The following SLAIN1 variants were observed in gnomAD, a reference collection of about 807,000 sequenced individuals.
The protein encoded by SLAIN1 is SLAIN motif-containing protein 1.
Under a neutral mutation model 55.4 loss-of-function variants are expected in SLAIN1, and 17 were observed. That is an observed-to-expected ratio of 0.31 (90% CI 0.21 to 0.46). The LOEUF is 0.46. Ranked by LOEUF, SLAIN1 falls within the 20% of genes least tolerant of loss-of-function variation. The pLI is 1.00. For synonymous variants in SLAIN1, 348 were observed against 337.4 expected, an observed-to-expected ratio of 1.03 and a Z score of -0.35; for missense variants, 682 against 785.1, an observed-to-expected ratio of 0.87 and a Z score of 1.57.
At chr13:77,732,793 T>C (rs912348055) in intron 2 of SLAIN1, among the ~76,000 whole-genome samples, 6 of 152,112 alleles carry the variant, frequency 3.9e-5, no homozygotes, top group African/African-American at 1.4e-4. Flanking sequence ...CTTAAAGCTG[T>C]TGTCTTATCT....
chr13:77,721,366 T>C (rs2091260582), intron 2 of SLAIN1, among the ~76,000 whole-genome samples: 1 of 152,132 alleles, frequency 6.6e-6, no homozygotes, highest in Non-Finnish European at 1.5e-5. Context: ...AATTACCCAG[T>C]CTCAGGTAGT....
At position 77,730,286 on chromosome 13, in the gene SLAIN1, A is replaced by G. The variant is rs545067894; in HGVS notation, c.766+10615A>G. Among the ~76,000 whole-genome samples the G allele has an allele frequency of 3.3e-5, 5 of 152,306 alleles. No homozygotes were observed. In the South Asian group the frequency reaches 8.3e-4, roughly 25 times the overall value. On this transcript the variant is annotated intron_variant, in intron 2 of 6. Transcript: ENST00000418532. ...TAACTGAACAGCTAAGCTACAGGATATTACCTGAATTGTCTTAGAAGGCAG... is the reference window on the plus strand; with the variant it reads ...TAACTGAACAGCTAAGCTACAGGATGTTACCTGAATTGTCTTAGAAGGCAG...
rs755391455 is a variant in SLAIN1, at chr13:77,760,829, T to C, written c.1416T>C (p.Ile472=). ...CATGAATATCATTTTCTCTTCTAGT[T>C]CCATCACCGGGACAGCTTCAACACA... The part of the protein sequence containing the change: ...GNGISRIQSC[I]PSPGQLQHRV... Residue 472 remains isoleucine, a splice_region_variant and synonymous_variant, in exon 6 of 7, where the codon ATT becomes ATC. Coordinates refer to ENST00000418532, the MANE Select transcript of SLAIN1 (RefSeq NM_001242868.2). 6.2e-7 allele frequency: 1 copy of C among 1,612,686 alleles called. No individual in the cohort carries two copies. The highest frequency in any genetic ancestry group is 1.1e-5 in the South Asian group (1 of 91,038).
chr13:77,730,516 C>T (rs184696175), intron 2 of SLAIN1, among the ~76,000 whole-genome samples: 36 of 152,204 alleles, frequency 2.4e-4, no homozygotes, highest in African/African-American at 7.9e-4. Flanking sequence ...GCCAAGTTCT[C>T]GTGACACTTA....
chr13:77,745,263 G>A (rs377753970), intron 3 of SLAIN1, among the ~76,000 whole-genome samples: 89 of 151,904 alleles, frequency 5.9e-4, no homozygotes, highest in Non-Finnish European at 9.0e-4. Context: ...ACACACCTGC[G>A]ATAATCTGAA....
At chr13:77,722,616 A>G (rs866280721) in intron 2 of SLAIN1, among the ~76,000 whole-genome samples, 1 of 152,084 alleles carries the variant, frequency 6.6e-6, no homozygotes, top group Non-Finnish European at 1.5e-5. Flanking sequence ...TAATTCTTTT[A>G]CACCTCACTT....
rs939562260 is a variant in SLAIN1 at position 77,761,214 on chromosome 13, C to G, written c.1697+104C>G. ...GGCTCACTTTAACCTTAGTAAGACA[C>G]TACCCTTTATGGCCTGACTTGTGCT... On this transcript the variant is annotated intron_variant, in intron 6 of 6. Transcript: ENST00000418532. 2.6e-6 allele frequency: 3 copies of G among 1,140,148 alleles called. No homozygotes were observed. In the Admixed American group the frequency reaches 6.3e-5, roughly 24 times the overall value. 70.6% of individuals were successfully genotyped at this position (1,140,148 alleles called of 1,614,324 possible). A position where few individuals can be genotyped will look rare whatever the true frequency, so the allele number is the denominator to read the frequency against.
chr13:77,741,008 T>A (rs1873400178), intron 2 of SLAIN1, among the ~76,000 whole-genome samples: 1 of 152,114 alleles, frequency 6.6e-6, no homozygotes, highest in African/African-American at 2.4e-5. Flanking sequence ...ACGCTAATTG[T>A]GTTCCTAGTT....
At chr13:77,744,089 C>T (rs1323969226) in intron 2 of SLAIN1, 194 bp from the exon 3 acceptor site, 1 of 583,200 alleles carries the variant, frequency 1.7e-6, no homozygotes, top group Non-Finnish European at 3.1e-6. Context: ...AATTTGAAAA[C>T]AATGAACAAG....
intron 2 of SLAIN1, among the ~76,000 whole-genome samples, chr13:77,720,667 C>T (rs145997753): frequency 5.3e-5 from 8 of 152,142 alleles, no homozygotes; most frequent in East Asian, 3.9e-4. Context: ...GTGAGAAATA[C>T]GAAGTTTAGA....
At chr13:77,744,922 T>C (rs1388323074) in intron 3 of SLAIN1, among the ~76,000 whole-genome samples, 3 of 152,092 alleles carry the variant, frequency 2.0e-5, no homozygotes, top group Non-Finnish European at 4.4e-5. Flanking sequence ...AAACTACTGA[T>C]ATACACAACA....
At chr13:77,718,205 C>T (rs1279442) in intron 1 of SLAIN1, among the ~76,000 whole-genome samples, 52,292 of 151,786 alleles carry the variant, frequency 0.34, 10,630 homozygotes, top group African/African-American at 0.56. Context: ...AAATCAGAGC[C>T]GTTGCATGTT....
intron 1 of SLAIN1, among the ~76,000 whole-genome samples, chr13:77,715,609 G>A (rs2091199187): frequency 6.6e-6 from 1 of 152,068 alleles, no homozygotes. Flanking sequence ...GCTATGGGTA[G>A]TATTTTTCAT....
At chr13:77,709,686 T>G (rs2091127009) in intron 1 of SLAIN1, among the ~76,000 whole-genome samples, 1 of 152,152 alleles carries the variant, frequency 6.6e-6, no homozygotes, top group Non-Finnish European at 1.5e-5. Context: ...ATAAAATCCT[T>G]TACAGACAAG....
rs567969823 is a variant in SLAIN1, at chr13:77,757,656, C to T, written c.1415-3172C>T. Among the ~76,000 whole-genome samples the T allele has an allele frequency of 4.6e-5, 7 of 152,230 alleles. No individual in the cohort carries two copies. The South Asian group carries it at 1.5e-3, about 32-fold the overall frequency. On this transcript the variant is annotated intron_variant, in intron 5 of 6. Transcript: ENST00000418532. ...ATGCCTTTACATCCTCATAGCTAAG[C>T]TCCCACTTACATGAGAGAACATACG...
At chr13:77,728,977 T>C (rs1255943419) in intron 2 of SLAIN1, among the ~76,000 whole-genome samples, 2 of 152,242 alleles carry the variant, frequency 1.3e-5, no homozygotes, top group Non-Finnish European at 2.9e-5. Flanking sequence ...GGAATTTTTG[T>C]GCAGAGACAG....
chr13:77,699,165 A>G, intron 1 of SLAIN1: 2 of 1,081,988 alleles, frequency 1.8e-6, no homozygotes, highest in Non-Finnish European at 2.6e-6. Flanking sequence ...GGGTGACCTC[A>G]CTGGCTTTCC....
At chr13:77,710,478 A>T (rs1300877009) in intron 1 of SLAIN1, among the ~76,000 whole-genome samples, 1 of 152,226 alleles carries the variant, frequency 6.6e-6, no homozygotes, top group Non-Finnish European at 1.5e-5. Flanking sequence ...ACCAACAAAG[A>T]TCAAAAGAGA....
In SLAIN1 at chr13:77,710,073, T is replaced by A. The variant is rs141489342; in HGVS notation, c.627-9459T>A. Among the ~76,000 whole-genome samples, 1,012 of 151,902 alleles carry A rather than the reference T, an allele frequency of 6.7e-3. 12 individuals are homozygous for A. The highest frequency in any genetic ancestry group is 0.023 in the African/African-American group (963 of 41,466). On this transcript the variant is annotated intron_variant, in intron 1 of 6. Transcript: ENST00000418532. ...AGGTGTGAGCCACCGCATCTGGCCT[T>A]GGAAGAACTAACAATGGAAAGGAAA...
Sources: allele counts gnomAD v4.1 joint callset (sites outside exome capture counted in the v4.1 genomes callset), GRCh38; gene constraint gnomAD v4.1.1; transcripts MANE v1.5; gene names NCBI Gene and HGNC (gene_info 2026-07-23, HGNC 2026-07-21).